LINGO2: variants seen among roughly 807,000 people sequenced by gnomAD.
The protein encoded by LINGO2 is leucine rich repeat and Ig domain containing 2, also known as leucine-rich repeat and immunoglobulin-like domain-containing nogo receptor-interacting protein 2.
A neutral mutation model predicts 30.6 loss-of-function variants in LINGO2; 14 were observed. The ratio of observed to expected loss-of-function variants is 0.46; its 90% CI spans 0.30 to 0.72. LINGO2 has a LOEUF of 0.72. Ranked by LOEUF, LINGO2 falls within the 30% of genes least tolerant of loss-of-function variation. The pLI, the probability that LINGO2 is intolerant of heterozygous loss-of-function variation, is 0.07. For missense variants in LINGO2, 729 were observed against 751.7 expected (o/e 0.97, Z 0.35); for synonymous variants, 317 against 288.5 (o/e 1.10, Z -1.00).
At chr9:28,837,311 G>T in the LINGO2 span, among the ~76,000 whole-genome samples, 908 of 152,094 alleles carry the variant, frequency 6.0e-3, 11 homozygotes, top group African/African-American at 0.021. Flanking sequence ...TATGCTCCAA[G>T]AATGGGACTG....
At chr9:28,833,435 A>G in the LINGO2 span, among the ~76,000 whole-genome samples, 1 of 152,336 alleles carries the variant, frequency 6.6e-6, no homozygotes, top group East Asian at 1.9e-4. Context: ...ATTCAAGGCT[A>G]AGTTGTTAAC....
At chr9:27,990,809 G>T (rs903168138) in intron 5 of LINGO2, among the ~76,000 whole-genome samples, 1 of 151,992 alleles carries the variant, frequency 6.6e-6, no homozygotes, top group Non-Finnish European at 1.5e-5. Context: ...CAAGGGCTTT[G>T]CTCCCTGTAA....
the LINGO2 span, among the ~76,000 whole-genome samples, chr9:28,926,011 C>A: frequency 6.6e-6 from 1 of 152,078 alleles, no homozygotes; most frequent in Non-Finnish European, 1.5e-5. Flanking sequence ...TCTGGGTATT[C>A]TCTAAAGAAA....
At chr9:28,994,852 T>A in the LINGO2 span, among the ~76,000 whole-genome samples, 7 of 152,130 alleles carry the variant, frequency 4.6e-5, no homozygotes, top group Non-Finnish European at 1.0e-4. Flanking sequence ...TCCTTACACC[T>A]TATACAAAAA....
In LINGO2 at chr9:28,016,478, A is replaced by G. The variant is rs114800981; in HGVS notation, c.-86-4073T>C. Among the ~76,000 whole-genome samples the G allele has an allele frequency of 3.4e-3, 523 of 152,282 alleles. 4 individuals are homozygous for G. Among genetic ancestry groups the G allele is most frequent in the African/African-American group, 0.012 (504 of 41,576 alleles). On this transcript the variant is annotated intron_variant, in intron 4 of 5. Coordinates refer to ENST00000379992, the Ensembl canonical transcript of LINGO2. ...TCTGACAAATATGACATTTCAAATC[A>G]GAGTCGGAAGTTCTTATAGTAAAAG...
the LINGO2 span, among the ~76,000 whole-genome samples, chr9:29,077,689 T>G: frequency 1.3e-5 from 2 of 151,976 alleles, no homozygotes; most frequent in Non-Finnish European, 2.9e-5. Flanking sequence ...GTAAAGACCA[T>G]GAAATAATTT....
chr9:28,943,950 A>G, the LINGO2 span, among the ~76,000 whole-genome samples: 2 of 152,242 alleles, frequency 1.3e-5, no homozygotes, highest in African/African-American at 2.4e-5. Flanking sequence ...ACATTCACGG[A>G]AGAATGCATG....
the LINGO2 span, among the ~76,000 whole-genome samples, chr9:28,852,916 ACT>A: frequency 2.6e-5 from 4 of 151,894 alleles, no homozygotes; most frequent in Middle Eastern, 3.2e-3. Flanking sequence ...TTTATAAAAC[ACT>A]CTCTGCTGGC....
chr9:28,596,646 G>A (rs79080403), intron 1 of LINGO2, among the ~76,000 whole-genome samples: 1 of 152,236 alleles, frequency 6.6e-6, no homozygotes, highest in East Asian at 1.9e-4. Flanking sequence ...TTAAGACCTA[G>A]CTTGTAAAGT....
intron 1 of LINGO2, among the ~76,000 whole-genome samples, chr9:28,548,697 C>A: frequency 2.6e-5 from 2 of 77,116 alleles, no homozygotes; most frequent in African/African-American, 5.3e-5. Flanking sequence ...AGCGAGACTC[C>A]ATCTCAAAAA....
chr9:28,511,495 C>A (rs896608617), intron 1 of LINGO2, among the ~76,000 whole-genome samples: 4 of 152,146 alleles, frequency 2.6e-5, no homozygotes, highest in African/African-American at 9.7e-5. Context: ...TTCACGGGCC[C>A]ATTAACAGAT....
intron 3 of LINGO2, among the ~76,000 whole-genome samples, chr9:28,308,732 C>T (rs1043592914): frequency 1.2e-3 from 182 of 150,308 alleles, no homozygotes; most frequent in African/African-American, 4.3e-3. Flanking sequence ...AACAAATTTA[C>T]AAGAAAAAAA....
At position 28,047,371 on chromosome 9, in the gene LINGO2, A is replaced by G. The variant is rs192816408; in HGVS notation, c.-86-34966T>C. Among the ~76,000 whole-genome samples, 106 of 141,116 alleles carry G rather than the reference A, an allele frequency of 7.5e-4. 5 individuals are homozygous for G. The East Asian group carries it at 0.012, about 16-fold the overall frequency. The allele number at this position is 141,116 out of a possible 152,430, so 92.6% of individuals were successfully genotyped here. A position where few individuals can be genotyped will look rare whatever the true frequency, so the allele number is the denominator to read the frequency against. ...TTGGGTCATACTGTATGAAAGATCT[A>G]CTAAACAACTGAGTTTTTTCATATT... On this transcript the variant is annotated intron_variant, in intron 4 of 5. Coordinates refer to ENST00000379992, the Ensembl canonical transcript of LINGO2.
chr9:28,035,055 G>T lies in LINGO2; in HGVS notation c.-86-22650C>A, dbSNP rs932467592. ...ACATCCATGCAACTCCTTAACTGATGTGCCTGTTTGGATATTCAAATACTT... is the reference window on the plus strand; with the variant it reads ...ACATCCATGCAACTCCTTAACTGATTTGCCTGTTTGGATATTCAAATACTT... On this transcript the variant is annotated intron_variant, in intron 4 of 5. Transcript: ENST00000379992. Among the ~76,000 whole-genome samples, 5 of 152,206 alleles carry T rather than the reference G, an allele frequency of 3.3e-5. No individual in the cohort carries two copies. In the East Asian group the frequency reaches 5.8e-4, roughly 18 times the overall value.
intron 4 of LINGO2, among the ~76,000 whole-genome samples, chr9:28,161,224 A>C (rs952921405): frequency 6.6e-6 from 1 of 152,180 alleles, no homozygotes; most frequent in Admixed American, 6.5e-5. Flanking sequence ...TTTCTCAAGA[A>C]GATCCAGTTG....
At chr9:29,007,269 C>T in the LINGO2 span, among the ~76,000 whole-genome samples, 1 of 151,994 alleles carries the variant, frequency 6.6e-6, no homozygotes, top group African/African-American at 2.4e-5. Flanking sequence ...ATACAGAAGC[C>T]ATCTGTTGAA....
chr9:28,590,717 A>C (rs1204475708), intron 1 of LINGO2, among the ~76,000 whole-genome samples: 1 of 152,172 alleles, frequency 6.6e-6, no homozygotes, highest in African/African-American at 2.4e-5. Flanking sequence ...GCGGGACTGT[A>C]AACTAGTTCA....
intron 4 of LINGO2, among the ~76,000 whole-genome samples, chr9:28,145,532 C>G (rs1051128572): frequency 6.6e-6 from 1 of 152,112 alleles, no homozygotes; most frequent in Non-Finnish European, 1.5e-5. Context: ...GCTGTCTGTA[C>G]TCTAATTCAG....
the LINGO2 span, among the ~76,000 whole-genome samples, chr9:29,046,134 G>A: frequency 6.6e-6 from 1 of 152,184 alleles, no homozygotes; most frequent in African/African-American, 2.4e-5. Flanking sequence ...TCTTTCTCTT[G>A]CCTGATTGCT....
Sources: allele counts gnomAD v4.1 joint callset (sites outside exome capture counted in the v4.1 genomes callset), GRCh38; gene constraint gnomAD v4.1.1; transcripts MANE v1.5; gene names NCBI Gene and HGNC (gene_info 2026-07-23, HGNC 2026-07-21).